GBP4: variants seen among roughly 807,000 people sequenced by gnomAD.
GBP4 encodes guanylate binding protein 4, also known as guanylate-binding protein 4.
GBP4 carries 69 observed loss-of-function variants against 62.2 expected under a neutral mutation model. The ratio of observed to expected loss-of-function variants is 1.11; its 90% CI spans 0.91 to 1.36. GBP4 has a LOEUF of 1.36. Among genes scored for constraint, GBP4 ranks in the 40% most tolerant of loss-of-function variants. The pLI, the probability that GBP4 is intolerant of heterozygous loss-of-function variation, is 0.00. For missense variants in GBP4, 697 were observed against 759.3 expected (o/e 0.92, Z 0.96); for synonymous variants, 278 against 274.6 (o/e 1.01, Z -0.12).
chr1:89,195,686 A>G (rs1648318079), intron 2 of GBP4, among the ~76,000 whole-genome samples: 1 of 152,170 alleles, frequency 6.6e-6, no homozygotes, highest in African/African-American at 2.4e-5. Context: ...GTAGGACATT[A>G]GGGGGAAGAA....
intron 4 of GBP4, 51 bp from the exon 5 acceptor site, chr1:89,193,151 C>A (rs1392014259): frequency 6.3e-7 from 1 of 1,584,864 alleles, no homozygotes; most frequent in Admixed American, 1.7e-5. Flanking sequence ...ATTTCCATAT[C>A]TCACTTAGAA....
chr1:89,195,336 C>T lies in GBP4; in HGVS notation c.324G>A (p.Leu108=). The change falls in exon 3 of 11, where the codon CTG becomes CTA. Residue 108 remains leucine, a synonymous_variant. Coordinates refer to ENST00000355754, the MANE Select transcript of GBP4 (RefSeq NM_052941.5). Reference sequence around the variant, plus strand: ...CCAGGCCCTCGGTGTCCAGAAGGACCAGGGTGTGGTTTGGCTTAGAGAGGT... The same window carrying T: ...CCAGGCCCTCGGTGTCCAGAAGGACTAGGGTGTGGTTTGGCTTAGAGAGGT... The part of the protein sequence containing the change: ...VPHLSKPNHT[L]VLLDTEGLGD... The T allele has an allele frequency of 6.2e-7, 1 of 1,613,998 alleles. No homozygotes were observed. Among genetic ancestry groups the T allele is most frequent in the Non-Finnish European group, 8.5e-7 (1 of 1,179,946 alleles).
At position 89,193,323 on chromosome 1, in the gene GBP4, G is replaced by A. The variant is rs566851911; in HGVS notation, c.453C>T (p.His151=). ...FVYNSVSTIN[H]QALEQLHYVT... is the part of the protein sequence containing the mutation. ...GATACTGCAGCTGCTCCAGGGCCTG[G>A]TGGTTGATGGTGCTCACGCTGTTAT... Residue 151 remains histidine (H), a synonymous_variant, in exon 4 of 11, where the codon CAC becomes CAT. Transcript: ENST00000355754. The A allele has an allele frequency of 9.9e-6, 16 of 1,614,118 alleles. No homozygotes were observed. The South Asian group carries it at 1.8e-4, about 18-fold the overall frequency.
chr1:89,193,434 A>G, intron 3 of GBP4, 22 bp from the exon 4 acceptor site: 1 of 1,573,740 alleles, frequency 6.4e-7, no homozygotes, highest in Non-Finnish European at 8.7e-7. Context: ...ATAAAGCAAA[A>G]GACTTAGGAG....
At position 89,187,047 on chromosome 1, in the gene GBP4, A is replaced by G; in HGVS notation, c.1466T>C (p.Ile489Thr). 2 of 1,614,128 alleles carry G rather than the reference A, an allele frequency of 1.2e-6. No homozygotes were observed. The highest frequency in any genetic ancestry group is 1.3e-5 in the African/African-American group (1 of 75,026). Reference protein sequence around the residue: ...LQSQVVVEESILQSDKALTAG... With the variant: ...LQSQVVVEESTLQSDKALTAG... ...AGTGAGGGCTTTGTCTGACTGCAGG[A>G]TGGATTCCTCTACAACCACCTGTGA... is the stretch of plus-strand genomic sequence containing the variant. The change falls in exon 9 of 11, where the codon ATC (isoleucine) becomes ACC (threonine). Residue 489 changes from isoleucine to threonine, a missense_variant. Ile to Thr is a moderately conservative substitution (Grantham distance 89). This residue lies in a region of GBP4 where 141 missense variants were observed against 196.6 expected (regional missense o/e 0.72). Transcript: ENST00000355754.
chr1:89,196,846 G>T (rs746492099), intron 2 of GBP4, among the ~76,000 whole-genome samples: 1 of 152,246 alleles, frequency 6.6e-6, no homozygotes, highest in Non-Finnish European at 1.5e-5. Flanking sequence ...GGGAATAATT[G>T]CTGGGGCTGA....
intron 9 of GBP4, 79 bp from the exon 10 acceptor site, chr1:89,186,605 G>T: frequency 7.7e-7 from 1 of 1,296,030 alleles, no homozygotes; most frequent in Non-Finnish European, 1.1e-6. Context: ...AGATCAAACT[G>T]ACTCGGAGAA....
chr1:89,189,893 G>T, intron 7 of GBP4, 145 bp downstream of exon 7: 1 of 672,960 alleles, frequency 1.5e-6, no homozygotes, highest in African/African-American at 1.8e-5. Context: ...GAAGAAGGGT[G>T]ACCTATAGCC....
Position 89,190,167 on chromosome 1 carries a change from T to A in GBP4, c.1068A>T (p.Gln356His), listed in dbSNP as rs374179728. The change falls in exon 7 of 11, where the codon CAA (glutamine) becomes CAT (histidine). Residue 356 changes from glutamine (Q) to histidine (H), a missense_variant. Transcript: ENST00000355754. Reference protein sequence around the residue: ...ADHYSQQMAQQLRLPTDTLQE... With the variant: ...ADHYSQQMAQHLRLPTDTLQE... ...GGAGCGTGTCTGTGGGGAGCCTCAG[T>A]TGCTGGGCCATCTGCTGGCTATAGT... 6.2e-7 allele frequency: 1 copy of A among 1,614,062 alleles called. No homozygotes were observed. The highest frequency in any genetic ancestry group is 1.3e-5 in the African/African-American group (1 of 74,930).
chr1:89,190,564 T>C (rs563867823), intron 6 of GBP4, among the ~76,000 whole-genome samples: 1 of 152,086 alleles, frequency 6.6e-6, no homozygotes, highest in Non-Finnish European at 1.5e-5. Context: ...AAATTACCCA[T>C]TGCAACCAAT....
chr1:89,195,807 A>T (rs989564744), intron 2 of GBP4, among the ~76,000 whole-genome samples: 18 of 151,480 alleles, frequency 1.2e-4, no homozygotes, highest in South Asian at 6.3e-4. Context: ...AAAATAATTT[A>T]AAAAAAAAGC....
At chr1:89,188,483 C>A (rs1392047060) in intron 8 of GBP4, 99 bp downstream of exon 8, 4 of 931,300 alleles carry the variant, frequency 4.3e-6, no homozygotes, top group Non-Finnish European at 6.9e-6. Flanking sequence ...GTTCTGCTTC[C>A]TCTCCACAAA....
rs762376729 is a variant in GBP4 at position 89,188,598 on chromosome 1, G to A, written c.1394C>T (p.Pro465Leu). The change falls in exon 8 of 11, where the codon CCC (proline) becomes CTC (leucine). Residue 465 changes from proline to leucine, a missense_variant. Around this residue, in one of 2 missense-constraint regions of GBP4, gnomAD observed 556 missense variants for 562.7 expected, o/e 0.99. Coordinates refer to ENST00000355754, the MANE Select transcript of GBP4 (RefSeq NM_052941.5). ...TTTCCTCACCTTAACTCCTTTTCTG[G>A]GCACTAGCTTATAGTCCCACTCAAC... ...KQVEWDYKLV[P>L]RKGVKANEVL... 3.0e-5 allele frequency: 49 copies of A among 1,613,642 alleles called. No homozygotes were observed. The highest frequency in any genetic ancestry group is 4.0e-5 in the Non-Finnish European group (47 of 1,179,756).
rs377545229 is a variant in GBP4 at position 89,181,875 on chromosome 1, C to A, written c.*3379G>T. 1 of 152,030 alleles carries A rather than the reference C, an allele frequency of 6.6e-6. No individual in the cohort carries two copies. The highest frequency in any genetic ancestry group is 2.4e-5 in the African/African-American group (1 of 41,372). The allele number at this position is 152,030 out of a possible 1,614,324, so 9.4% of individuals were successfully genotyped here. A position where few individuals can be genotyped will look rare whatever the true frequency, so the allele number is the denominator to read the frequency against. On this transcript the variant is annotated 3_prime_UTR_variant, in exon 11 of 11. Transcript: ENST00000355754. ...GCGTTAATAACATTAAGCCAAGAGC[C>A]AAATCAGGAATGCAATCCCATTCAC...
intron 8 of GBP4, 58 bp from the exon 9 acceptor site, chr1:89,187,160 G>A (rs1648058446): frequency 7.3e-7 from 1 of 1,360,664 alleles, no homozygotes; most frequent in African/African-American, 1.4e-5. Flanking sequence ...ATCTTATGAT[G>A]GCGAAATTAT....
Position 89,183,815 on chromosome 1 carries a change from G to A in GBP4, c.*1439C>T, listed in dbSNP as rs542789269. The A allele has an allele frequency of 6.6e-6, 1 of 152,372 alleles. No individual in the cohort carries two copies. Among genetic ancestry groups the A allele is most frequent in the Admixed American group, 6.5e-5 (1 of 15,308 alleles). 9.4% of individuals were successfully genotyped at this position (152,372 alleles called of 1,614,324 possible). ...GGACTGCTTGAGCCTGGGAGGTTGA[G>A]GCTACAATGACCCATGTTTGTGCTA... On this transcript the variant is annotated 3_prime_UTR_variant, in exon 11 of 11. Transcript: ENST00000355754.
At chr1:89,186,942 C>T (rs926565867) in intron 9 of GBP4, 58 bp downstream of exon 9, 2 of 1,459,578 alleles carry the variant, frequency 1.4e-6, no homozygotes, top group Non-Finnish European at 1.9e-6. Flanking sequence ...GTGTGATCAG[C>T]AAGAAGGCAT....
rs1456810263 is a variant in GBP4, at chr1:89,191,345, T to C, written c.832A>G (p.Met278Val). Reference protein sequence around the residue: ...PEENLERHFLMQSDNFCSYIF... With the variant: ...PEENLERHFLVQSDNFCSYIF... ...TAAGAACAGAAGTTGTCTGATTGCA[T>C]AAGGAAATGCCTTTCCAGATTTTCT... is the stretch of plus-strand genomic sequence containing the variant. The change falls in exon 6 of 11, where the codon ATG (methionine) becomes GTG (valine). Residue 278 changes from methionine (M) to valine (V), a missense_variant. Transcript: ENST00000355754. 1 of 1,614,108 alleles carries C rather than the reference T, an allele frequency of 6.2e-7. No individual in the cohort carries two copies. Among genetic ancestry groups the C allele is most frequent in the Admixed American group, 1.7e-5 (1 of 60,008 alleles).
Position 89,197,189 on chromosome 1 carries a change from G to C in GBP4, c.156C>G (p.Pro52=). 1.2e-6 allele frequency: 2 copies of C among 1,614,106 alleles called. No individual in the cohort carries two copies. The highest frequency in any genetic ancestry group is 1.7e-6 in the Non-Finnish European group (2 of 1,179,996). Residue 52 remains proline, a synonymous_variant, in exon 2 of 11, where the codon CCC becomes CCG. Coordinates refer to ENST00000355754, the MANE Select transcript of GBP4 (RefSeq NM_052941.5). ...GCCCTACAATGGCCACCACCACCACGGGCTGAGAAATCTTGTCAAGAATCT... is the reference window on the plus strand; with the variant it reads ...GCCCTACAATGGCCACCACCACCACCGGCTGAGAAATCTTGTCAAGAATCT... ...ALEILDKISQ[P]VVVVAIVGLY...
Sources: gnomAD v4.1 joint callset for allele counts (sites outside exome capture counted in the v4.1 genomes callset) on GRCh38, gnomAD v4.1.1 for gene constraint, gnomAD v4.1.1 regional missense constraint, MANE v1.5 for transcripts, NCBI Gene and HGNC (gene_info 2026-07-23, HGNC 2026-07-21) for gene names.